The following ACVR1 variants were observed in gnomAD, a reference collection of about 807,000 sequenced individuals.
ACVR1 encodes activin A receptor type 1.
ACVR1 carries 38 observed loss-of-function variants against 57.1 expected under a neutral mutation model. The observed-to-expected ratio is 0.67, with a 90% CI of 0.51 to 0.87. The LOEUF (loss-of-function observed/expected upper bound fraction) is 0.87, where lower values mean the gene tolerates loss of function less well. ACVR1 is among the 40% of genes least tolerant of loss of function. The probability of loss-of-function intolerance (pLI) is 0.00; values close to 1 mark genes in which losing one functional copy is unlikely to be tolerated. For synonymous variants in ACVR1, 212 were observed against 228.1 expected (o/e 0.93, Z 0.63); for missense variants, 463 against 638.2 (o/e 0.73, Z 2.96).
rs77883723 is a variant in ACVR1 at position 157,810,979 on chromosome 2, C to T, written c.-8+7406G>A. ...AAATATGGATTCCCAAGCCTCACCC[C>T]CTAGAGATTTTGATCTGTGACGAGG... On this transcript the variant is annotated intron_variant, in intron 2 of 10. Transcript: ENST00000434821. 6.7e-3 allele frequency among the ~76,000 whole-genome samples: 1,020 copies of T among 152,232 alleles called. 12 individuals carry two copies. Among genetic ancestry groups the T allele is most frequent in the African/African-American group, 0.023 (976 of 41,540 alleles).
At chr2:157,801,709 T>A (rs1687334191) in intron 2 of ACVR1, among the ~76,000 whole-genome samples, 1 of 152,238 alleles carries the variant, frequency 6.6e-6, no homozygotes, top group African/African-American at 2.4e-5. Context: ...ATTGCTATTT[T>A]ATGTATGTTT....
At chr2:157,752,201 AAAT>A (rs1325406203) in intron 9 of ACVR1, among the ~76,000 whole-genome samples, 1 of 152,108 alleles carries the variant, frequency 6.6e-6, no homozygotes, top group Non-Finnish European at 1.5e-5. Context: ...TCCAGAAGAG[AAAT>A]AATAATCACT....
At chr2:157,784,581 C>G (rs907689236) in intron 3 of ACVR1, among the ~76,000 whole-genome samples, 1 of 152,238 alleles carries the variant, frequency 6.6e-6, no homozygotes, top group African/African-American at 2.4e-5. Flanking sequence ...GCTGGCACTG[C>G]GTGCCCTTTG....
chr2:157,853,611 A>T (rs528905186), intron 1 of ACVR1, among the ~76,000 whole-genome samples: 1 of 152,250 alleles, frequency 6.6e-6, no homozygotes. Context: ...CCAAAATCCA[A>T]ATCTAATCTG....
chr2:157,868,564 C>T (rs1323891930), intron 1 of ACVR1, among the ~76,000 whole-genome samples: 2 of 152,086 alleles, frequency 1.3e-5, no homozygotes, highest in Non-Finnish European at 2.9e-5. Context: ...TATTTACTTG[C>T]CCCATTCTCT....
intron 3 of ACVR1, among the ~76,000 whole-genome samples, chr2:157,789,934 T>C (rs1574067900): frequency 6.6e-6 from 1 of 152,362 alleles, no homozygotes; most frequent in Non-Finnish European, 1.5e-5. Context: ...TTACTTAGTT[T>C]ACTGAACTGC....
At chr2:157,836,517 G>T (rs1158315579) in intron 1 of ACVR1, among the ~76,000 whole-genome samples, 1 of 152,152 alleles carries the variant, frequency 6.6e-6, no homozygotes, top group African/African-American at 2.4e-5. Context: ...CTCCATTTCA[G>T]GAAGGAAACC....
chr2:157,865,462 C>T (rs1689880021), intron 1 of ACVR1, among the ~76,000 whole-genome samples: 1 of 152,098 alleles, frequency 6.6e-6, no homozygotes, highest in Non-Finnish European at 1.5e-5. Flanking sequence ...TATTTATCTC[C>T]AGATACACAG....
At chr2:157,812,027 A>G (rs1032632831) in intron 2 of ACVR1, among the ~76,000 whole-genome samples, 3 of 152,218 alleles carry the variant, frequency 2.0e-5, no homozygotes, top group African/African-American at 7.2e-5. Context: ...GAAAAGGTTA[A>G]GTTAAAACCT....
intron 2 of ACVR1, among the ~76,000 whole-genome samples, chr2:157,805,939 T>A (rs1183581978): frequency 6.7e-6 from 1 of 149,066 alleles, no homozygotes; most frequent in Non-Finnish European, 1.5e-5. Context: ...TCCTGCTGCC[T>A]CAGCCCCTCA....
In ACVR1 at chr2:157,853,717, A is replaced by C. The variant is rs560436521; in HGVS notation, c.-183+22079T>G. ...AAGTAGTCTTCATGACATAGCCATT[A>C]CCCACCTCTCCAGCCTTATGTCACA... On this transcript the variant is annotated intron_variant, in intron 1 of 10. Coordinates refer to ENST00000434821, the MANE Select transcript of ACVR1 (RefSeq NM_001111067.4). 2.0e-5 allele frequency among the ~76,000 whole-genome samples: 3 copies of C among 152,292 alleles called. No individual in the cohort carries two copies. In the South Asian group the frequency reaches 6.2e-4, roughly 32 times the overall value.
At chr2:157,865,821 AAGATAGAT>A (rs57214423) in intron 1 of ACVR1, among the ~76,000 whole-genome samples, 1,707 of 137,018 alleles carry the variant, frequency 0.012, 31 homozygotes, top group East Asian at 0.04. Flanking sequence ...AAAAAGAAAA[AAGATAGAT>A]AGATAGATAG....
At chr2:157,828,660 G>A (rs1482268569) in intron 1 of ACVR1, among the ~76,000 whole-genome samples, 1 of 152,030 alleles carries the variant, frequency 6.6e-6, no homozygotes, top group Non-Finnish European at 1.5e-5. Flanking sequence ...GTACTGCGAT[G>A]GCACCCAACC....
chr2:157,760,656 C>A (rs1259519311), intron 9 of ACVR1, among the ~76,000 whole-genome samples: 1 of 152,166 alleles, frequency 6.6e-6, no homozygotes, highest in East Asian at 1.9e-4. Flanking sequence ...TGGCTGGTCT[C>A]TTCCAGAAAT....
At chr2:157,757,509 T>C (rs1231931823) in intron 9 of ACVR1, among the ~76,000 whole-genome samples, 7 of 151,634 alleles carry the variant, frequency 4.6e-5, no homozygotes, top group Admixed American at 4.6e-4. Flanking sequence ...TAGAAAAGCA[T>C]CAAGTCATAT....
At chr2:157,752,382 AAT>A (rs1196353035) in intron 9 of ACVR1, among the ~76,000 whole-genome samples, 2 of 152,216 alleles carry the variant, frequency 1.3e-5, no homozygotes, top group Non-Finnish European at 2.9e-5. Context: ...CAATTCTAGT[AAT>A]ATGACAAAAC....
At chr2:157,747,761 G>A (rs888735775) in intron 9 of ACVR1, among the ~76,000 whole-genome samples, 3 of 152,114 alleles carry the variant, frequency 2.0e-5, no homozygotes, top group African/African-American at 7.2e-5. Context: ...GTGTGGGGGG[G>A]TGTACATTGT....
intron 1 of ACVR1, among the ~76,000 whole-genome samples, chr2:157,848,347 A>G (rs1342229964): frequency 6.6e-6 from 1 of 152,162 alleles, no homozygotes; most frequent in Non-Finnish European, 1.5e-5. Context: ...CCGCCATGCT[A>G]TGAGGAAGCT....
chr2:157,740,561 G>A lies in ACVR1; in HGVS notation c.1265-1991C>T, dbSNP rs543113889. ...TTTCTGAAAGAGAATATATTTAATAGCCTGGCTTAATATTTAAAAATCTAG... is the reference window on the plus strand; with the variant it reads ...TTTCTGAAAGAGAATATATTTAATAACCTGGCTTAATATTTAAAAATCTAG... On this transcript the variant is annotated intron_variant, in intron 9 of 10. Transcript: ENST00000434821. Among the ~76,000 whole-genome samples the A allele has an allele frequency of 1.6e-4, 24 of 152,260 alleles. No individual in the cohort carries two copies. In the South Asian group the frequency reaches 4.6e-3, roughly 29 times the overall value.
Sources: gnomAD v4.1 joint callset for allele counts (sites outside exome capture counted in the v4.1 genomes callset) on GRCh38, gnomAD v4.1.1 for gene constraint, MANE v1.5 for transcripts, NCBI Gene and HGNC (gene_info 2026-07-23, HGNC 2026-07-21) for gene names.